The following HS6ST3 variants were observed in gnomAD, a reference collection of about 807,000 sequenced individuals.
The protein encoded by HS6ST3 is heparan sulfate 6-O-sulfotransferase 3, also known as heparan-sulfate 6-O-sulfotransferase 3.
In HS6ST3, 12 loss-of-function variants were observed where a neutral mutation model predicts 36.7. That is an observed-to-expected ratio of 0.33 (90% CI 0.21 to 0.53). The LOEUF is 0.53. Among genes scored for constraint, HS6ST3 ranks in the 20% least tolerant of loss-of-function variants. The pLI is 0.95. For synonymous variants in HS6ST3, 240 were observed against 257.5 expected (o/e 0.93, Z 0.65); for missense variants, 584 against 640.9 (o/e 0.91, Z 0.96).
intron 1 of HS6ST3, among the ~76,000 whole-genome samples, chr13:96,493,888 T>C (rs1487158195): frequency 2.0e-5 from 3 of 152,198 alleles, no homozygotes; most frequent in African/African-American, 7.2e-5. Context: ...GACTAACTAT[T>C]ATGAAAATTT....
At chr13:96,476,503 TA>T (rs1425449665) in intron 1 of HS6ST3, among the ~76,000 whole-genome samples, 1 of 152,010 alleles carries the variant, frequency 6.6e-6, no homozygotes, top group Admixed American at 6.6e-5. Flanking sequence ...GCTGGGACTA[TA>T]GGCGCCCACC....
intron 1 of HS6ST3, among the ~76,000 whole-genome samples, chr13:96,436,051 G>C (rs750372546): frequency 2.0e-5 from 3 of 152,112 alleles, no homozygotes; most frequent in Non-Finnish European, 2.9e-5. Flanking sequence ...TCTTCTCTTT[G>C]TTGTTCTCTT....
intron 1 of HS6ST3, among the ~76,000 whole-genome samples, chr13:96,615,432 A>T (rs781015261): frequency 7.2e-5 from 11 of 152,236 alleles, no homozygotes; most frequent in Admixed American, 2.0e-4. Flanking sequence ...TGTTGATCAG[A>T]TGACATGATG....
At chr13:96,321,859 G>A (rs755365408) in intron 1 of HS6ST3, among the ~76,000 whole-genome samples, 3 of 152,058 alleles carry the variant, frequency 2.0e-5, no homozygotes, top group Non-Finnish European at 4.4e-5. Flanking sequence ...TTACAGCCAT[G>A]AATCTCAAAT....
In HS6ST3 at chr13:96,765,588, T is replaced by TTCTCTCTC. The variant is rs58979172; in HGVS notation, c.708-66868_708-66861dup. ...ACAGAGATGTATGCGCTCTCTCTCTTTCTCTCTCTCTCTCTCTCTCTCTCT... is the reference window on the plus strand; with the variant it reads ...ACAGAGATGTATGCGCTCTCTCTCTTTCTCTCTCTCTCTCTCTCTCTCTCTCTCTCTCT... On this transcript the variant is annotated intron_variant, in intron 1 of 1. Coordinates refer to ENST00000376705, the MANE Select transcript of HS6ST3 (RefSeq NM_153456.4). Among the ~76,000 whole-genome samples, 638 of 142,680 alleles carry TTCTCTCTC rather than the reference T, an allele frequency of 4.5e-3. 3 individuals are homozygous for TTCTCTCTC. Among genetic ancestry groups the TTCTCTCTC allele is most frequent in the Middle Eastern group, 0.012 (3 of 260 alleles). The allele number at this position is 142,680 out of a possible 152,430, so 93.6% of individuals were successfully genotyped here. A position where few individuals can be genotyped will look rare whatever the true frequency, so the allele number is the denominator to read the frequency against.
chr13:96,157,794 T>C (rs947094066), intron 1 of HS6ST3, among the ~76,000 whole-genome samples: 1 of 152,244 alleles, frequency 6.6e-6, no homozygotes, highest in African/African-American at 2.4e-5. Context: ...TGACTTAATA[T>C]AAGTGTTATT....
chr13:96,378,802 G>A lies in HS6ST3; in HGVS notation c.707+287233G>A, dbSNP rs1322958690. ...ACAGGCATACCTCTACCTATAAAGC[G>A]GTGACTTTTCTAATTTTTACAAAAA... On this transcript the variant is annotated intron_variant, in intron 1 of 1. Transcript: ENST00000376705. Among the ~76,000 whole-genome samples the A allele has an allele frequency of 3.3e-5, 5 of 152,080 alleles. No individual in the cohort carries two copies. In the East Asian group the frequency reaches 7.7e-4, roughly 24 times the overall value.
At chr13:96,362,774 T>G (rs2055244769) in intron 1 of HS6ST3, among the ~76,000 whole-genome samples, 1 of 152,194 alleles carries the variant, frequency 6.6e-6, no homozygotes, top group Admixed American at 6.5e-5. Flanking sequence ...AGTTAAACAA[T>G]CTGTGATATA....
chr13:96,800,933 G>A (rs978547050), intron 1 of HS6ST3, among the ~76,000 whole-genome samples: 1 of 152,126 alleles, frequency 6.6e-6, no homozygotes, highest in African/African-American at 2.4e-5. Flanking sequence ...TATTTATCCT[G>A]TCCTAGTAAG....
At position 96,241,429 on chromosome 13, in the gene HS6ST3, A is replaced by T. The variant is rs116583956; in HGVS notation, c.707+149860A>T. On this transcript the variant is annotated intron_variant, in intron 1 of 1. Transcript: ENST00000376705. ...TATCCATGGACCTATGAAATAATTG[A>T]AAAAAAGCATTTAAATTAATAGTTC... Among the ~76,000 whole-genome samples, 81 of 151,004 alleles carry T rather than the reference A, an allele frequency of 5.4e-4. No individual in the cohort carries two copies. The Middle Eastern group carries it at 0.021, about 38-fold the overall frequency.
At chr13:96,565,182 A>T (rs1172891908) in intron 1 of HS6ST3, among the ~76,000 whole-genome samples, 1 of 152,134 alleles carries the variant, frequency 6.6e-6, no homozygotes, top group African/African-American at 2.4e-5. Context: ...AGGAACCTAG[A>T]TAACAGGAGA....
At chr13:96,472,879 A>C (rs2055846175) in intron 1 of HS6ST3, among the ~76,000 whole-genome samples, 1 of 152,222 alleles carries the variant, frequency 6.6e-6, no homozygotes. Flanking sequence ...TTATTTATTC[A>C]TTATTATTCA....
At position 96,837,280 on chromosome 13, in the gene HS6ST3, G is replaced by C. The variant is rs1878950904; in HGVS notation, c.*4082G>C. 4 of 152,212 alleles carry C rather than the reference G, an allele frequency of 2.6e-5. No homozygotes were observed. The highest frequency in any genetic ancestry group is 2.6e-4 in the Admixed American group (4 of 15,290). The allele number at this position is 152,212 out of a possible 1,614,324, so 9.4% of individuals were successfully genotyped here. ...ATAAGACTAAAATTCATCACTTTGTGTAGCATTTAATGGTTTTCAGAACAT... is the reference window on the plus strand; with the variant it reads ...ATAAGACTAAAATTCATCACTTTGTCTAGCATTTAATGGTTTTCAGAACAT... On this transcript the variant is annotated 3_prime_UTR_variant, in exon 2 of 2. Coordinates refer to ENST00000376705, the MANE Select transcript of HS6ST3 (RefSeq NM_153456.4).
chr13:96,257,687 A>G (rs2054643775), intron 1 of HS6ST3, among the ~76,000 whole-genome samples: 1 of 152,236 alleles, frequency 6.6e-6, no homozygotes, highest in African/African-American at 2.4e-5. Context: ...AAGTAAAAGT[A>G]TAAATAAAGC....
chr13:96,585,579 T>G (rs2138971906), intron 1 of HS6ST3, among the ~76,000 whole-genome samples: 1 of 152,228 alleles, frequency 6.6e-6, no homozygotes, highest in South Asian at 2.1e-4. Flanking sequence ...TCACTGAAAT[T>G]TTATATCCTT....
In HS6ST3 at chr13:96,765,588, T is replaced by TTCTCTCTCTCTC. The variant is rs58979172; in HGVS notation, c.708-66872_708-66861dup. ...ACAGAGATGTATGCGCTCTCTCTCT[T>TTCTCTCTCTCTC]TCTCTCTCTCTCTCTCTCTCTCTCT... On this transcript the variant is annotated intron_variant, in intron 1 of 1. Coordinates refer to ENST00000376705, the MANE Select transcript of HS6ST3 (RefSeq NM_153456.4). 3.1e-3 allele frequency among the ~76,000 whole-genome samples: 442 copies of TTCTCTCTCTCTC among 142,674 alleles called. 4 individuals carry two copies. The highest frequency in any genetic ancestry group is 9.7e-3 in the African/African-American group (377 of 38,958). The allele number at this position is 142,674 out of a possible 152,430, so 93.6% of individuals were successfully genotyped here. A position where few individuals can be genotyped will look rare whatever the true frequency, so the allele number is the denominator to read the frequency against.
chr13:96,586,820 T>C (rs918161509), intron 1 of HS6ST3, among the ~76,000 whole-genome samples: 1 of 152,202 alleles, frequency 6.6e-6, no homozygotes, highest in Non-Finnish European at 1.5e-5. Context: ...ATCCCATTGA[T>C]CTATTCTTGC....
chr13:96,107,633 G>A (rs2053847646), intron 1 of HS6ST3, among the ~76,000 whole-genome samples: 1 of 152,196 alleles, frequency 6.6e-6, no homozygotes, highest in Non-Finnish European at 1.5e-5. Context: ...TGTGGGAAGT[G>A]TTGCAGGAAG....
At chr13:96,473,576 C>G (rs928199134) in intron 1 of HS6ST3, among the ~76,000 whole-genome samples, 1 of 152,188 alleles carries the variant, frequency 6.6e-6, no homozygotes, top group African/African-American at 2.4e-5. Context: ...CCTCTTGTCT[C>G]CAGCTGCTCA....
Sources: gnomAD v4.1 joint callset for allele counts (sites outside exome capture counted in the v4.1 genomes callset) on GRCh38, gnomAD v4.1.1 for gene constraint, MANE v1.5 for transcripts, NCBI Gene and HGNC (gene_info 2026-07-23, HGNC 2026-07-21) for gene names.